Variants in MYO10 observed in about 807,000 individuals in gnomAD.
MYO10 encodes myosin X.
Under a neutral mutation model 257.3 loss-of-function variants are expected in MYO10, and 133 were observed. The ratio of observed to expected loss-of-function variants is 0.52; its 90% CI spans 0.45 to 0.60. The LOEUF (loss-of-function observed/expected upper bound fraction) is 0.60, where lower values mean the gene tolerates loss of function less well. Among genes scored for constraint, MYO10 ranks in the 20% least tolerant of loss-of-function variants. The pLI, the probability that MYO10 is intolerant of heterozygous loss-of-function variation, is 0.00. For missense variants in MYO10, 2,399 were observed against 2,635.7 expected (o/e 0.91, Z 1.97); for synonymous variants, 1,104 against 1,028.6 (o/e 1.07, Z -1.40).
In MYO10 at chr5:16,807,831, C is replaced by G. The variant is rs544760964; in HGVS notation, c.279+10178G>C. Among the ~76,000 whole-genome samples, 40 of 152,274 alleles carry G rather than the reference C, an allele frequency of 2.6e-4. No homozygotes were observed. The South Asian group carries it at 5.6e-3, about 21-fold the overall frequency. ...CCCTCTCATCCCCTCCTCATTGTGA[C>G]GCTCCTTCTTTGTGTTCCCATGTAT... On this transcript the variant is annotated intron_variant, in intron 3 of 40. Transcript: ENST00000513610.
At chr5:16,925,224 T>C (rs1424543765) in intron 1 of MYO10, among the ~76,000 whole-genome samples, 1 of 152,200 alleles carries the variant, frequency 6.6e-6, no homozygotes, top group Non-Finnish European at 1.5e-5. Flanking sequence ...TGAATAATTT[T>C]AGAGAAAACT....
At chr5:16,858,671 C>G (rs1744030724) in intron 2 of MYO10, among the ~76,000 whole-genome samples, 1 of 152,150 alleles carries the variant, frequency 6.6e-6, no homozygotes, top group Admixed American at 6.6e-5. Flanking sequence ...TTCTACGTAA[C>G]ACACAGGGCC....
chr5:16,682,536 T>A (rs915520304), intron 30 of MYO10, among the ~76,000 whole-genome samples: 1 of 152,222 alleles, frequency 6.6e-6, no homozygotes, highest in Non-Finnish European at 1.5e-5. Flanking sequence ...TAGTCACGGA[T>A]AACGTGATAA....
At chr5:16,906,819 G>A (rs1300708177) in intron 1 of MYO10, among the ~76,000 whole-genome samples, 1 of 152,076 alleles carries the variant, frequency 6.6e-6, no homozygotes. Flanking sequence ...GGAGAAGAAA[G>A]AAAAGTATCT....
intron 37 of MYO10, among the ~76,000 whole-genome samples, chr5:16,672,004 A>G (rs1322613703): frequency 2.0e-5 from 3 of 152,186 alleles, no homozygotes; most frequent in Non-Finnish European, 4.4e-5. Flanking sequence ...CAAATAGCGT[A>G]GGTCTACAGG....
chr5:16,727,863 T>C (rs1739432169), intron 19 of MYO10, among the ~76,000 whole-genome samples: 1 of 139,756 alleles, frequency 7.2e-6, no homozygotes, highest in Non-Finnish European at 1.5e-5. Flanking sequence ...ACTCCGATCC[T>C]TCCCCCCAGC....
intron 19 of MYO10, among the ~76,000 whole-genome samples, chr5:16,719,738 T>A (rs1381652930): frequency 6.6e-6 from 1 of 152,038 alleles, no homozygotes; most frequent in Non-Finnish European, 1.5e-5. Context: ...CTGAGGTGGG[T>A]GGATCACCAG....
chr5:16,730,712 G>GA (rs1478511348), intron 19 of MYO10, among the ~76,000 whole-genome samples: 2 of 152,196 alleles, frequency 1.3e-5, no homozygotes, highest in Non-Finnish European at 2.9e-5. Flanking sequence ...GCCCCTGTGA[G>GA]AATTACTAGG....
chr5:16,743,188 T>C (rs1740073594), intron 19 of MYO10, among the ~76,000 whole-genome samples: 2 of 152,074 alleles, frequency 1.3e-5, no homozygotes, highest in Admixed American at 1.3e-4. Flanking sequence ...ACAGAGGAAA[T>C]GAGCCATTCC....
Position 16,701,676 on chromosome 5 carries a change from G to C in MYO10, c.2719C>G (p.Gln907Glu). ...GAAGCCTCGGTCAGCGACAGCTCCT[G>C]CTGCTCCTTCATGCGCTGCAGGTCC... ...IEDLQRMKEQ[Q>E]ELSLTEASLQ... The change falls in exon 25 of 41, where the codon CAG becomes GAG. Residue 907 changes from glutamine to glutamate, a missense_variant. Coordinates refer to ENST00000513610, the MANE Select transcript of MYO10 (RefSeq NM_012334.3). This position sits in a 1 kb window ranked among gnomAD's most constrained non-coding sequence, Gnocchi z 8.1. The C allele has an allele frequency of 1.2e-6, 2 of 1,613,932 alleles. No homozygotes were observed. Among genetic ancestry groups the C allele is most frequent in the Non-Finnish European group, 8.5e-7 (1 of 1,179,866 alleles).
Position 16,725,078 on chromosome 5 carries a change from C to CTTTTTTTTTTTT in MYO10, c.1930-13845_1930-13834dup, listed in dbSNP as rs34100971. 5.3e-5 allele frequency among the ~76,000 whole-genome samples: 4 copies of CTTTTTTTTTTTT among 74,890 alleles called. 1 individual carries two copies. The highest frequency in any genetic ancestry group is 9.5e-5 in the Non-Finnish European group (4 of 42,006). 49.1% of individuals were successfully genotyped at this position (74,890 alleles called of 152,430 possible). A position where few individuals can be genotyped will look rare whatever the true frequency, so the allele number is the denominator to read the frequency against. ...TATACAGTTCTCTCACCTTCTTCTT[C>CTTTTTTTTTTTT]TTTTTTTTTTTTTTTTTTTTTTTTT... On this transcript the variant is annotated intron_variant, in intron 19 of 40. Coordinates refer to ENST00000513610, the MANE Select transcript of MYO10 (RefSeq NM_012334.3).
chr5:16,681,400 A>G lies in MYO10; in HGVS notation c.4293T>C (p.Ser1431=). ...LTHNSLDYYK[S]SEKNALKLGT... Reference sequence around the variant, plus strand: ...CCAGTTTGAGCGCGTTCTTCTCTGAACTCTTGTAGTAATCCAGGGAATTGT... The same window carrying G: ...CCAGTTTGAGCGCGTTCTTCTCTGAGCTCTTGTAGTAATCCAGGGAATTGT... The change falls in exon 32 of 41, where the codon AGT becomes AGC. Residue 1431 remains serine, a synonymous_variant. Coordinates refer to ENST00000513610, the MANE Select transcript of MYO10 (RefSeq NM_012334.3). The G allele has an allele frequency of 5.0e-6, 8 of 1,613,680 alleles. No homozygotes were observed. The highest frequency in any genetic ancestry group is 6.8e-6 in the Non-Finnish European group (8 of 1,179,852).
At position 16,877,698 on chromosome 5, in the gene MYO10, C is replaced by A. The variant is rs768456949; in HGVS notation, c.31G>T (p.Val11Phe). The change falls in exon 2 of 41, where the codon GTC (valine) becomes TTC (phenylalanine). Residue 11 changes from valine (V) to phenylalanine (F), a missense_variant. This residue lies in a region of MYO10 where 242 missense variants were observed against 249.5 expected (regional missense o/e 0.97). Coordinates refer to ENST00000513610, the MANE Select transcript of MYO10 (RefSeq NM_012334.3). ...TGCTGGCCATTTTCTCTCAGCCAGACCCGTGTTCCCTGTAAACAAAACAAA... is the reference window on the plus strand; with the variant it reads ...TGCTGGCCATTTTCTCTCAGCCAGAACCGTGTTCCCTGTAAACAAAACAAA... MDNFFTEGTR[V>F]WLRENGQHFP... 4 of 1,612,764 alleles carry A rather than the reference C, an allele frequency of 2.5e-6. No individual in the cohort carries two copies. In the Admixed American group the frequency reaches 5.0e-5, roughly 20 times the overall value.
intron 9 of MYO10, among the ~76,000 whole-genome samples, chr5:16,776,873 G>GT (rs1455462775): frequency 1.3e-5 from 2 of 152,360 alleles, no homozygotes; most frequent in African/African-American, 4.8e-5. Context: ...GGGACCTGCA[G>GT]TGACACTGCC....
intron 1 of MYO10, among the ~76,000 whole-genome samples, chr5:16,905,047 A>G (rs1356358949): frequency 6.6e-6 from 1 of 152,216 alleles, no homozygotes; most frequent in East Asian, 1.9e-4. Context: ...CCAAAGCACA[A>G]ACTATATCAG....
intron 4 of MYO10, among the ~76,000 whole-genome samples, chr5:16,790,943 G>T (rs1010584951): frequency 4.6e-5 from 7 of 150,554 alleles, no homozygotes; most frequent in Non-Finnish European, 1.0e-4. Context: ...ATTCAAAACT[G>T]TAATAGCATG....
chr5:16,721,144 C>T (rs1357300947), intron 19 of MYO10, among the ~76,000 whole-genome samples: 1 of 152,156 alleles, frequency 6.6e-6, no homozygotes, highest in Non-Finnish European at 1.5e-5. Flanking sequence ...AAGACAATTA[C>T]GCTACATAAC....
At chr5:16,786,423 T>A (rs1579989558) in intron 4 of MYO10, among the ~76,000 whole-genome samples, 2 of 152,288 alleles carry the variant, frequency 1.3e-5, no homozygotes, top group South Asian at 4.1e-4. Flanking sequence ...AGATCTCCTA[T>A]CTGAAATGCT....
chr5:16,836,712 C>G (rs1025906625), intron 2 of MYO10, among the ~76,000 whole-genome samples: 4 of 152,068 alleles, frequency 2.6e-5, no homozygotes, highest in African/African-American at 9.7e-5. Flanking sequence ...GTATTTATGC[C>G]TTTTAAATAT....
Sources: gnomAD v4.1 joint callset for allele counts (sites outside exome capture counted in the v4.1 genomes callset) on GRCh38, gnomAD v4.1.1 for gene constraint, gnomAD v4.1.1 regional missense constraint, Gnocchi (gnomAD v3.1) non-coding constraint, MANE v1.5 for transcripts, NCBI Gene and HGNC (gene_info 2026-07-23, HGNC 2026-07-21) for gene names.